ANK2: variants seen among roughly 807,000 people sequenced by gnomAD.
ANK2 encodes the protein ankyrin-2.
In ANK2, 83 loss-of-function variants were observed where a neutral mutation model predicts 360.5. That is an observed-to-expected ratio of 0.23 (90% CI 0.19 to 0.28). ANK2 has a LOEUF of 0.28. Among genes scored for constraint, ANK2 ranks in the 10% least tolerant of loss-of-function variants. ANK2 has a pLI of 1.00. For missense variants in ANK2, 4,201 were observed against 4,795.7 expected, an observed-to-expected ratio of 0.88 and a Z score of 3.66; for synonymous variants, 1,740 against 1,759.5, an observed-to-expected ratio of 0.99 and a Z score of 0.28.
chr4:113,090,430 A>T (rs1211659261), intron 1 of ANK2, among the ~76,000 whole-genome samples: 5 of 152,188 alleles, frequency 3.3e-5, no homozygotes, highest in Non-Finnish European at 5.9e-5. Context: ...AATAGGTGAG[A>T]CGTTAGAACT....
At chr4:112,929,648 A>T (rs1216303237) in intron 2 of ANK2, among the ~76,000 whole-genome samples, 1 of 152,224 alleles carries the variant, frequency 6.6e-6, no homozygotes, top group African/African-American at 2.4e-5. Context: ...TTGACCTCAG[A>T]TGACTGGTCT....
intron 2 of ANK2, among the ~76,000 whole-genome samples, chr4:113,176,466 AT>A (rs902310362): frequency 1.5e-4 from 22 of 151,482 alleles, no homozygotes; most frequent in African/African-American, 3.9e-4. Flanking sequence ...ATTTTATCTG[AT>A]TTTTTTTTGT....
chr4:113,145,322 C>A (rs2096788758), intron 1 of ANK2, among the ~76,000 whole-genome samples: 1 of 151,972 alleles, frequency 6.6e-6, no homozygotes. Context: ...TTGGTGGAAG[C>A]AATTACAAAA....
At chr4:112,891,596 T>C (rs2080047277) in intron 1 of ANK2, among the ~76,000 whole-genome samples, 1 of 152,186 alleles carries the variant, frequency 6.6e-6, no homozygotes, top group South Asian at 2.1e-4. Context: ...TAAGTTCAAA[T>C]CCTGATTCTA....
intron 2 of ANK2, among the ~76,000 whole-genome samples, chr4:112,990,372 G>A (rs1379046860): frequency 1.3e-5 from 2 of 152,122 alleles, no homozygotes; most frequent in African/African-American, 4.8e-5. Flanking sequence ...AATAGTCAAG[G>A]TATAAAAGTC....
chr4:112,866,879 G>A (rs917666025), intron 1 of ANK2, among the ~76,000 whole-genome samples: 20 of 151,930 alleles, frequency 1.3e-4, no homozygotes, highest in African/African-American at 4.6e-4. Context: ...CTCTGTGTCC[G>A]ACTAGTTATT....
At chr4:112,861,476 G>T (rs1305886370) in intron 1 of ANK2, among the ~76,000 whole-genome samples, 3 of 152,110 alleles carry the variant, frequency 2.0e-5, no homozygotes, top group Admixed American at 6.5e-5. Flanking sequence ...TACTACAGGC[G>T]TGCTAGTATA....
intron 5 of ANK2, among the ~76,000 whole-genome samples, chr4:113,233,106 G>GTTTTTT (rs1156385030): frequency 2.5e-5 from 2 of 79,706 alleles, no homozygotes; most frequent in Non-Finnish European, 5.0e-5. Context: ...TGGCTTTTCT[G>GTTTTTT]TTTTTTTTTT....
intron 2 of ANK2, among the ~76,000 whole-genome samples, chr4:113,020,023 T>A (rs1177037417): frequency 2.0e-5 from 3 of 152,204 alleles, no homozygotes; most frequent in South Asian, 4.1e-4. Flanking sequence ...CTGGTTAGGC[T>A]TTTCAGGATT....
intron 14 of ANK2, among the ~76,000 whole-genome samples, chr4:113,272,676 A>G (rs2058974431): frequency 6.6e-6 from 1 of 152,216 alleles, no homozygotes; most frequent in African/African-American, 2.4e-5. Flanking sequence ...CCAAGGATCA[A>G]TAGTTAATAA....
At chr4:113,182,453 A>AGG (rs2098437610) in intron 2 of ANK2, among the ~76,000 whole-genome samples, 1 of 152,172 alleles carries the variant, frequency 6.6e-6, no homozygotes, top group Non-Finnish European at 1.5e-5. Flanking sequence ...AGGTCACCAA[A>AGG]AGAGAGAGAG....
Position 113,174,430 on chromosome 4 carries a change from A to G in ANK2, c.99A>G (p.Ala33=), listed in dbSNP as rs2098115647. 6.2e-7 allele frequency: 1 copy of G among 1,612,778 alleles called. No individual in the cohort carries two copies. The highest frequency in any genetic ancestry group is 1.7e-5 in the Admixed American group (1 of 59,964). ...TTTTCTCGCAGTCTGACAGCAATGCAAGCTTCCTCCGTGCTGCCAGAGCAG... is the reference window on the plus strand; with the variant it reads ...TTTTCTCGCAGTCTGACAGCAATGCGAGCTTCCTCCGTGCTGCCAGAGCAG... ...RKRPKKSDSN[A]SFLRAARAGN... Residue 33 remains alanine (A), a synonymous_variant, in exon 2 of 46, where the codon GCA becomes GCG. Transcript: ENST00000357077.
chr4:113,284,858 G>T (rs146184623), intron 18 of ANK2, among the ~76,000 whole-genome samples: 1 of 152,264 alleles, frequency 6.6e-6, no homozygotes, highest in African/African-American at 2.4e-5. Context: ...AAATATCTCA[G>T]ATAAGCAGCA....
chr4:113,073,546 A>G (rs914255223), intron 1 of ANK2, among the ~76,000 whole-genome samples: 28 of 152,296 alleles, frequency 1.8e-4, no homozygotes, highest in African/African-American at 6.5e-4. Context: ...AGAAGACTAC[A>G]GGCCAGAGGT....
chr4:112,913,548 C>A (rs1304817083), intron 2 of ANK2, among the ~76,000 whole-genome samples: 1 of 152,190 alleles, frequency 6.6e-6, no homozygotes, highest in Non-Finnish European at 1.5e-5. Context: ...TGAAACTATA[C>A]ATTTTTGGAT....
At position 113,274,571 on chromosome 4, in the gene ANK2, C is replaced by T. The variant is rs2153688673; in HGVS notation, c.1605C>T (p.His535=). ...AATTNGYTPL[H]ISAREGQVDV... is the part of the protein sequence containing the mutation. ...CTACAAATGGGTACACACCACTGCA[C>T]ATCTCTGCCCGGGAGGGCCAGGTGG... Residue 535 remains histidine (H), a synonymous_variant, in exon 15 of 46, where the codon CAC becomes CAT. Coordinates refer to ENST00000357077, the MANE Select transcript of ANK2 (RefSeq NM_001148.6). 6.2e-7 allele frequency: 1 copy of T among 1,614,214 alleles called. No homozygotes were observed. Among genetic ancestry groups the T allele is most frequent in the Non-Finnish European group, 8.5e-7 (1 of 1,180,046 alleles).
At chr4:113,106,882 A>C in intron 1 of ANK2, 1 of 533,310 alleles carries the variant, frequency 1.9e-6, no homozygotes, top group South Asian at 1.4e-5. Context: ...GATCAATTAT[A>C]GGAGTGAAAT....
rs538459406 is a variant in ANK2 at position 113,339,268 on chromosome 4, C to T, written c.3839C>T (p.Thr1280Met). ...CAGTGGGAAGATATTACAGGAACTA[C>T]GCCATTAACATTTGTCAATGAATGT... ...PAQWEDITGTTPLTFVNECVS... is the reference protein window; with the variant it reads ...PAQWEDITGTMPLTFVNECVS... The change falls in exon 32 of 46, where the codon ACG becomes ATG. Residue 1280 changes from threonine (T) to methionine (M), a missense_variant. Coordinates refer to ENST00000357077, the MANE Select transcript of ANK2 (RefSeq NM_001148.6). 3.7e-6 allele frequency: 6 copies of T among 1,613,820 alleles called. No homozygotes were observed. Among genetic ancestry groups the T allele is most frequent in the South Asian group, 2.2e-5 (2 of 91,086 alleles).
chr4:112,942,319 T>C (rs2094285567), intron 2 of ANK2, among the ~76,000 whole-genome samples: 2 of 152,128 alleles, frequency 1.3e-5, no homozygotes. Context: ...TGTTTCCTTG[T>C]GCCTAATGCT....
Sources: gnomAD v4.1 joint callset for allele counts (sites outside exome capture counted in the v4.1 genomes callset) on GRCh38, gnomAD v4.1.1 for gene constraint, MANE v1.5 for transcripts, NCBI Gene and HGNC (gene_info 2026-07-23, HGNC 2026-07-21) for gene names.